MAP6: variants seen among roughly 807,000 people sequenced by gnomAD.
The protein encoded by MAP6 is microtubule associated protein 6.
Under a neutral mutation model 42.4 loss-of-function variants are expected in MAP6, and 26 were observed. The ratio of observed to expected loss-of-function variants is 0.61; its 90% confidence interval spans 0.45 to 0.85. The LOEUF (loss-of-function observed/expected upper bound fraction) is 0.85. Among genes scored for constraint, MAP6 ranks in the 40% least tolerant of loss-of-function variants. The pLI is 0.00. For missense variants in MAP6, 966 were observed against 1,099.0 expected (o/e 0.88, Z 1.71); for synonymous variants, 418 against 443.8 (o/e 0.94, Z 0.73).
intron 1 of MAP6, among the ~76,000 whole-genome samples, chr11:75,630,424 T>C (rs1943267560): frequency 2.0e-5 from 3 of 152,260 alleles, no homozygotes; most frequent in Admixed American, 6.5e-5. Context: ...CAGTTGATAT[T>C]CATTAAAGGT....
intron 1 of MAP6, among the ~76,000 whole-genome samples, chr11:75,617,246 G>A (rs960189926): frequency 1.3e-5 from 2 of 152,138 alleles, no homozygotes; most frequent in African/African-American, 4.8e-5. Flanking sequence ...GCTGGGCACC[G>A]TGGCTCAAGC....
At chr11:75,613,675 G>A (rs944604450) in intron 1 of MAP6, among the ~76,000 whole-genome samples, 6 of 152,150 alleles carry the variant, frequency 3.9e-5, no homozygotes, top group African/African-American at 1.2e-4. Flanking sequence ...ATCCTGCAGG[G>A]GCAGAAAGAG....
At chr11:75,606,322 A>C (rs1016443560) in intron 2 of MAP6, among the ~76,000 whole-genome samples, 17 of 152,072 alleles carry the variant, frequency 1.1e-4, no homozygotes, top group Non-Finnish European at 1.5e-4. Flanking sequence ...GGAAGTTAAC[A>C]CCTCATCACG....
intron 1 of MAP6, among the ~76,000 whole-genome samples, chr11:75,650,212 T>C (rs1283961845): frequency 1.3e-5 from 2 of 152,160 alleles, no homozygotes; most frequent in African/African-American, 4.8e-5. Context: ...GGCCAACCCC[T>C]AGTAACAGAT....
At chr11:75,664,811 T>C (rs1203950753) in intron 1 of MAP6, among the ~76,000 whole-genome samples, 1 of 152,264 alleles carries the variant, frequency 6.6e-6, no homozygotes, top group African/African-American at 2.4e-5. Context: ...GTATTTAATG[T>C]ATTGAATAGC....
In MAP6 at chr11:75,608,169, C is replaced by T. The variant is rs749294773; in HGVS notation, c.1059G>A (p.Lys353=). ...EASKPTTADN[K]VIDRRRIRSL... ...TGCGTATTCTTCTGCGATCAATGAC[C>T]TTATTGTCAGCTGTTGTTGGCTTGC... Residue 353 remains lysine, a synonymous_variant, in exon 2 of 4, where the codon AAG becomes AAA. Coordinates refer to ENST00000304771, the MANE Select transcript of MAP6 (RefSeq NM_033063.2). 6.2e-7 allele frequency: 1 copy of T among 1,614,074 alleles called. No homozygotes were observed. Among genetic ancestry groups the T allele is most frequent in the African/African-American group, 1.3e-5 (1 of 74,914 alleles).
In MAP6 at chr11:75,668,188, G is replaced by C; in HGVS notation, c.182C>G (p.Ser61Trp). The C allele has an allele frequency of 8.1e-7, 1 of 1,240,390 alleles. No homozygotes were observed. The highest frequency in any genetic ancestry group is 1.0e-6 in the Non-Finnish European group (1 of 999,140). The allele number at this position is 1,240,390 out of a possible 1,614,324, so 76.8% of individuals were successfully genotyped here. ...CGTCTCTATGGCAACCGCGCGCGCC[G>C]AGGGGGGCGCGAGCGCCGGCTGCGC... Reference protein sequence around the residue: ...QQAQPALAPPSARAVAIETQP... With the variant: ...QQAQPALAPPWARAVAIETQP... The change falls in exon 1 of 4, where the codon TCG becomes TGG. Residue 61 changes from serine to tryptophan, a missense_variant. Physicochemically the swap from Ser to Trp is radical, Grantham distance 177. Around this residue, in one of 2 missense-constraint regions of MAP6, gnomAD observed 943 missense variants for 1,049.9 expected, o/e 0.90. Transcript: ENST00000304771.
intron 1 of MAP6, among the ~76,000 whole-genome samples, chr11:75,665,418 C>T (rs1000082089): frequency 2.0e-5 from 3 of 152,206 alleles, no homozygotes; most frequent in African/African-American, 7.2e-5. Flanking sequence ...TAGGATCACC[C>T]AAGGAGGCTT....
At chr11:75,657,948 T>C (rs1943778760) in intron 1 of MAP6, among the ~76,000 whole-genome samples, 1 of 152,244 alleles carries the variant, frequency 6.6e-6, no homozygotes, top group Non-Finnish European at 1.5e-5. Flanking sequence ...CTTTGCCATG[T>C]AAGATAACAT....
chr11:75,596,011 T>C (rs961943107), intron 3 of MAP6: 4 of 152,262 alleles, frequency 2.6e-5, no homozygotes, highest in African/African-American at 9.6e-5. Context: ...AAATAGCTCA[T>C]ACAAGATCAA....
At chr11:75,613,530 G>A (rs535795607) in intron 1 of MAP6, among the ~76,000 whole-genome samples, 8 of 152,234 alleles carry the variant, frequency 5.3e-5, no homozygotes, top group African/African-American at 1.9e-4. Flanking sequence ...AGCTTCTCTT[G>A]TATTGTGATG....
chr11:75,668,277 G>A lies in MAP6; in HGVS notation c.93C>T (p.Thr31=). 6.5e-7 allele frequency: 1 copy of A among 1,543,550 alleles called. No homozygotes were observed. The highest frequency in any genetic ancestry group is 1.2e-5 in the South Asian group (1 of 86,128). Residue 31 remains threonine, a synonymous_variant, in exon 1 of 4, where the codon ACC becomes ACT. Transcript: ENST00000304771. ...GGTGCTCGGTGGCCTCCGAGTACTT[G>A]GTGAAAACCAGCGGCACAGCGATGT... ...KADIAVPLVF[T]KYSEATEHPG...
In MAP6 at chr11:75,614,242, G is replaced by A. The variant is rs1408819935; in HGVS notation, c.906-5920C>T. ...TGGAATGCAGCTCCCACCTCCCTGC[G>A]GCTGCTCCAGCCAGGGACGGGGTGT... On this transcript the variant is annotated intron_variant, in intron 1 of 3. Coordinates refer to ENST00000304771, the MANE Select transcript of MAP6 (RefSeq NM_033063.2). Among the ~76,000 whole-genome samples the A allele has an allele frequency of 7.2e-5, 11 of 152,244 alleles. No individual in the cohort carries two copies. In the East Asian group the frequency reaches 1.4e-3, roughly 19 times the overall value.
intron 1 of MAP6, among the ~76,000 whole-genome samples, chr11:75,629,404 A>G (rs1258982409): frequency 2.0e-5 from 3 of 151,926 alleles, no homozygotes; most frequent in Non-Finnish European, 4.4e-5. Flanking sequence ...GGGTCTTTCT[A>G]TCGTGTCTCT....
In MAP6 at chr11:75,667,542, GC is replaced by G; in HGVS notation, c.827del (p.Gly276AlafsTer22). The stretch of plus-strand genomic sequence containing the variant: ...GGGCGTCCGCCGCGGCGCGCCCCCT[GC>G]CAGCCTCGGGGCCGGTGGCCTGGAC... ...AQVQATGPEA[G>X]RGRAAADALN... On this transcript the variant is annotated frameshift_variant, in exon 1 of 4. Transcript: ENST00000304771. LOFTEE classifies it high-confidence loss of function. This position sits in a 1 kb window ranked among gnomAD's most constrained non-coding sequence, Gnocchi z 5.6. 1 of 1,490,646 alleles carries G rather than the reference GC, an allele frequency of 6.7e-7. No individual in the cohort carries two copies. Among genetic ancestry groups the G allele is most frequent in the South Asian group, 1.3e-5 (1 of 79,700 alleles). The allele number at this position is 1,490,646 out of a possible 1,614,324, so 92.3% of individuals were successfully genotyped here. A position where few individuals can be genotyped will look rare whatever the true frequency, so the allele number is the denominator to read the frequency against.
At chr11:75,601,833 C>T (rs750267359) in intron 3 of MAP6, among the ~76,000 whole-genome samples, 6 of 150,394 alleles carry the variant, frequency 4.0e-5, no homozygotes, top group Middle Eastern at 3.4e-3. Flanking sequence ...GGCCCCCCTC[C>T]GACCTTTGCT....
At chr11:75,606,875 G>A (rs143723426) in intron 2 of MAP6, among the ~76,000 whole-genome samples, 39 of 152,274 alleles carry the variant, frequency 2.6e-4, no homozygotes, top group South Asian at 1.7e-3. Flanking sequence ...AGGAAACTTC[G>A]GAGTCACTGA....
intron 1 of MAP6, among the ~76,000 whole-genome samples, chr11:75,662,313 C>T (rs1943865927): frequency 6.6e-6 from 1 of 151,976 alleles, no homozygotes; most frequent in African/African-American, 2.4e-5. Context: ...AATTTAAATA[C>T]AGAAATAAAA....
At chr11:75,624,438 C>T (rs1943162790) in intron 1 of MAP6, among the ~76,000 whole-genome samples, 1 of 152,122 alleles carries the variant, frequency 6.6e-6, no homozygotes, top group African/African-American at 2.4e-5. Context: ...ATCAGCACAG[C>T]CCAGTAAGGC....
Sources: gnomAD v4.1 joint callset for allele counts (sites outside exome capture counted in the v4.1 genomes callset) on GRCh38, gnomAD v4.1.1 for gene constraint, gnomAD v4.1.1 regional missense constraint, Gnocchi (gnomAD v3.1) non-coding constraint, MANE v1.5 for transcripts, NCBI Gene and HGNC (gene_info 2026-07-23, HGNC 2026-07-21) for gene names.